The following CWH43 variants were observed in gnomAD, a reference collection of about 807,000 sequenced individuals.
The protein encoded by CWH43 is PGAP2-interacting protein.
A neutral mutation model predicts 85.7 loss-of-function variants in CWH43; 91 were observed. The observed-to-expected ratio is 1.06, with a 90% CI of 0.90 to 1.26. The LOEUF is 1.26. CWH43 is among the 50% of genes most tolerant of loss of function. The probability of loss-of-function intolerance (pLI) is 0.00; values close to 1 mark genes in which losing one functional copy is unlikely to be tolerated. For missense variants in CWH43, 869 were observed against 839.2 expected, an observed-to-expected ratio of 1.04 and a Z score of -0.44; for synonymous variants, 323 against 293.6, an observed-to-expected ratio of 1.10 and a Z score of -1.02.
chr4:49,058,010 GT>G (rs981629815), intron 15 of CWH43, among the ~76,000 whole-genome samples: 7 of 151,932 alleles, frequency 4.6e-5, no homozygotes, highest in East Asian at 1.9e-4. Context: ...GCTAAAGTGA[GT>G]TTTTTTTATA....
At chr4:49,005,636 T>C (rs570265078) in intron 7 of CWH43, among the ~76,000 whole-genome samples, 2 of 150,514 alleles carry the variant, frequency 1.3e-5, no homozygotes, top group South Asian at 2.1e-4. Context: ...CATAGCTCCC[T>C]GTATCCTTGA....
chr4:49,016,607 T>A, intron 8 of CWH43: 1 of 738,312 alleles, frequency 1.4e-6, no homozygotes, highest in South Asian at 1.4e-5. Context: ...ACAGTTTGGA[T>A]GAGGCCACAA....
intron 13 of CWH43, among the ~76,000 whole-genome samples, chr4:49,042,857 T>G (rs1177646798): frequency 6.6e-6 from 1 of 152,188 alleles, no homozygotes; most frequent in Non-Finnish European, 1.5e-5. Flanking sequence ...ACAAACCACC[T>G]CAAAACGTAG....
rs576573184 is a variant in CWH43 at position 49,038,232 on chromosome 4, T to C, written c.1803+52T>C. The C allele has an allele frequency of 2.8e-5, 41 of 1,440,022 alleles. No individual in the cohort carries two copies. In the African/African-American group the frequency reaches 5.5e-4, roughly 19 times the overall value. 89.2% of individuals were successfully genotyped at this position (1,440,022 alleles called of 1,614,324 possible). On this transcript the variant is annotated intron_variant, in intron 13 of 15. Transcript: ENST00000226432. ...ATTTATTAAGTAAAACATTTCTTTT[T>C]CTTTCATGTTTTTAAAAAAACCAAC...
At chr4:49,036,835 C>G (rs1333246664) in intron 12 of CWH43, among the ~76,000 whole-genome samples, 1 of 152,156 alleles carries the variant, frequency 6.6e-6, no homozygotes, top group African/African-American at 2.4e-5. Context: ...CTGGGAGGAG[C>G]TGAGTCTCTT....
chr4:49,030,338 T>C (rs1010971423), intron 10 of CWH43, among the ~76,000 whole-genome samples: 2 of 152,204 alleles, frequency 1.3e-5, no homozygotes, highest in African/African-American at 4.8e-5. Context: ...TATATGGATG[T>C]AATACCACTA....
intron 14 of CWH43, among the ~76,000 whole-genome samples, chr4:49,046,804 C>A (rs1784639848): frequency 6.6e-6 from 1 of 152,112 alleles, no homozygotes; most frequent in Non-Finnish European, 1.5e-5. Flanking sequence ...AGATGATGTA[C>A]ACAGTGAGTT....
chr4:49,048,077 G>A (rs1187704641), intron 14 of CWH43, among the ~76,000 whole-genome samples: 1 of 152,120 alleles, frequency 6.6e-6, no homozygotes, highest in Non-Finnish European at 1.5e-5. Context: ...TTAAATATTT[G>A]TTAAAGCAAT....
chr4:48,991,900 C>T, intron 3 of CWH43, 36 bp from the exon 4 acceptor site: 1 of 1,571,672 alleles, frequency 6.4e-7, no homozygotes, highest in Non-Finnish European at 8.7e-7. Context: ...ATTGAGTCCA[C>T]ATAAAAAGTG....
chr4:49,021,434 A>G (rs1484831715), intron 9 of CWH43, among the ~76,000 whole-genome samples: 7 of 152,064 alleles, frequency 4.6e-5, no homozygotes, highest in African/African-American at 1.4e-4. Context: ...TACCAGTACC[A>G]TGCTGTTTTT....
intron 15 of CWH43, among the ~76,000 whole-genome samples, chr4:49,051,873 G>A (rs566339079): frequency 8.5e-5 from 13 of 152,116 alleles, no homozygotes; most frequent in Admixed American, 2.6e-4. Flanking sequence ...CACCGTGCCC[G>A]GCCTTGTTTT....
chr4:49,044,795 A>G lies in CWH43; in HGVS notation c.1813A>G (p.Ser605Gly). 4 of 1,613,102 alleles carry G rather than the reference A, an allele frequency of 2.5e-6. No individual in the cohort carries two copies. Among genetic ancestry groups the G allele is most frequent in the Non-Finnish European group, 3.4e-6 (4 of 1,179,244 alleles). ...TEHGNVKDID[S>G]TDHDRWCEYI... The stretch of plus-strand genomic sequence containing the variant: ...CTCTGCTCTTTATTAGGATATCGAC[A>G]GCACTGATCATGACAGATGGTGTGA... Residue 605 changes from serine to glycine, a missense_variant, in exon 14 of 16, where the codon AGC (serine) becomes GGC (glycine). Ser to Gly is a moderately conservative substitution (Grantham distance 56). This residue lies in a region of CWH43 where 577 missense variants were observed against 513.1 expected (regional missense o/e 1.12). Transcript: ENST00000226432.
chr4:49,007,082 A>G, intron 7 of CWH43, 119 bp from the exon 8 acceptor site: 3 of 1,141,066 alleles, frequency 2.6e-6, no homozygotes, highest in Non-Finnish European at 3.6e-6. Context: ...GAGATAAATT[A>G]AATCAGTACA....
At chr4:49,031,042 T>C in intron 11 of CWH43, 82 bp downstream of exon 11, 1 of 1,328,246 alleles carries the variant, frequency 7.5e-7, no homozygotes, top group Non-Finnish European at 1.0e-6. Context: ...GTTGATATTG[T>C]AATATCTTTG....
chr4:48,997,328 G>A (rs1005221829), intron 5 of CWH43, among the ~76,000 whole-genome samples: 8 of 151,716 alleles, frequency 5.3e-5, no homozygotes, highest in Non-Finnish European at 8.8e-5. Context: ...CAAAGTGCTG[G>A]TATTACTGTC....
chr4:49,040,373 G>C (rs1204312724), intron 13 of CWH43, among the ~76,000 whole-genome samples: 1 of 152,162 alleles, frequency 6.6e-6, no homozygotes, highest in Non-Finnish European at 1.5e-5. Context: ...CAGTGTAAAA[G>C]TGTTCCTATT....
At chr4:49,044,467 T>C (rs1190542229) in intron 13 of CWH43, among the ~76,000 whole-genome samples, 1 of 152,172 alleles carries the variant, frequency 6.6e-6, no homozygotes. Flanking sequence ...TCAGTGCTGC[T>C]GGGGATGAGA....
intron 14 of CWH43, among the ~76,000 whole-genome samples, chr4:49,050,151 G>A (rs879881385): frequency 1.2e-4 from 18 of 152,290 alleles, no homozygotes; most frequent in Middle Eastern, 3.4e-3. Context: ...ATGGTTCCCC[G>A]TGTTTTCCAC....
At chr4:49,046,677 G>C (rs1382529581) in intron 14 of CWH43, among the ~76,000 whole-genome samples, 1 of 152,072 alleles carries the variant, frequency 6.6e-6, no homozygotes, top group Non-Finnish European at 1.5e-5. Context: ...AGCACTTCAG[G>C]CAGGGGAGGC....
Sources: allele counts gnomAD v4.1 joint callset (sites outside exome capture counted in the v4.1 genomes callset), GRCh38; gene constraint gnomAD v4.1.1; regional missense constraint gnomAD v4.1.1; transcripts MANE v1.5; gene names NCBI Gene and HGNC (gene_info 2026-07-23, HGNC 2026-07-21).